DDR2: variants seen among roughly 807,000 people sequenced by gnomAD.
DDR2 encodes the protein discoidin domain-containing receptor 2.
A neutral mutation model predicts 94.9 loss-of-function variants in DDR2; 27 were observed. That is an observed-to-expected ratio of 0.28 (90% CI 0.21 to 0.39). The LOEUF is 0.39. DDR2 is among the 10% of genes least tolerant of loss of function. The pLI, the probability that DDR2 is intolerant of heterozygous loss-of-function variation, is 1.00. For synonymous variants in DDR2, 382 were observed against 377.2 expected, an observed-to-expected ratio of 1.01 and a Z score of -0.15; for missense variants, 783 against 1,076.0, an observed-to-expected ratio of 0.73 and a Z score of 3.81.
intron 3 of DDR2, among the ~76,000 whole-genome samples, chr1:162,736,720 G>T (rs558233155): frequency 2.6e-5 from 4 of 152,210 alleles, no homozygotes; most frequent in Non-Finnish European, 5.9e-5. Flanking sequence ...ATTTGCTTGC[G>T]AAGTGCATCC....
intron 3 of DDR2, among the ~76,000 whole-genome samples, chr1:162,732,433 A>C (rs1571259239): frequency 1.3e-5 from 2 of 152,186 alleles, no homozygotes; most frequent in Non-Finnish European, 1.5e-5. Flanking sequence ...CTAGGGTTGG[A>C]GGAGGAAGAA....
chr1:162,763,326 C>T (rs1373922711), intron 9 of DDR2, among the ~76,000 whole-genome samples: 1 of 132,784 alleles, frequency 7.5e-6, no homozygotes, highest in Non-Finnish European at 1.6e-5. Context: ...GTGCCTGCTA[C>T]CACGCCCGGC....
At chr1:162,679,837 T>C (rs1659318232) in intron 2 of DDR2, among the ~76,000 whole-genome samples, 1 of 152,212 alleles carries the variant, frequency 6.6e-6, no homozygotes, top group Admixed American at 6.5e-5. Context: ...CTGATGAGTA[T>C]GAGATGGTAT....
intron 12 of DDR2, 24 bp downstream of exon 12, chr1:162,770,536 G>A (rs1156465176): frequency 4.3e-6 from 7 of 1,610,726 alleles, no homozygotes; most frequent in Middle Eastern, 1.7e-4. Flanking sequence ...GGTGGGCAGG[G>A]TGTCAAGGGA....
intron 2 of DDR2, among the ~76,000 whole-genome samples, chr1:162,687,768 C>G (rs566733437): frequency 1.3e-5 from 2 of 152,174 alleles, no homozygotes; most frequent in Non-Finnish European, 2.9e-5. Flanking sequence ...TTTCAAGACA[C>G]TGACATCATC....
At chr1:162,646,817 A>G (rs577290141) in intron 1 of DDR2, among the ~76,000 whole-genome samples, 1 of 152,184 alleles carries the variant, frequency 6.6e-6, no homozygotes, top group Non-Finnish European at 1.5e-5. Flanking sequence ...TGTCTGTGCA[A>G]ATGTCCAGGG....
At position 162,780,185 on chromosome 1, in the gene DDR2, C is replaced by T. The variant is rs147604927; in HGVS notation, c.2507C>T (p.Thr836Met). The T allele has an allele frequency of 1.4e-5, 23 of 1,613,848 alleles. No homozygotes were observed. The highest frequency in any genetic ancestry group is 5.5e-5 in the South Asian group (5 of 91,086). Reference protein sequence around the residue: ...KLMLSCWRRDTKNRPSFQEIH... With the variant: ...KLMLSCWRRDMKNRPSFQEIH... Reference sequence around the variant, plus strand: ...ATGCTCAGCTGCTGGAGAAGAGATACGAAGAACCGTCCCTCATTCCAAGAA... The same window carrying T: ...ATGCTCAGCTGCTGGAGAAGAGATATGAAGAACCGTCCCTCATTCCAAGAA... Residue 836 changes from threonine (T) to methionine (M), a missense_variant, in exon 18 of 18, where the codon ACG (threonine) becomes ATG (methionine). By Grantham distance (81) the Thr-to-Met change is moderately conservative. This residue lies in a region of DDR2 where 264 missense variants were observed against 428.2 expected (regional missense o/e 0.62). Transcript: ENST00000367921.
intron 2 of DDR2, among the ~76,000 whole-genome samples, chr1:162,702,066 T>C (rs1443328886): frequency 2.6e-5 from 4 of 152,204 alleles, no homozygotes; most frequent in African/African-American, 7.2e-5. Flanking sequence ...AAGCCCAATT[T>C]ACCTTCTCTG....
intron 3 of DDR2, among the ~76,000 whole-genome samples, chr1:162,750,244 C>A (rs2102117975): frequency 6.6e-6 from 1 of 152,252 alleles, no homozygotes; most frequent in South Asian, 2.1e-4. Flanking sequence ...TTAGAAAACC[C>A]CATCATCTCA....
At chr1:162,729,298 ATATTTTTTTT>A (rs1354622533) in intron 3 of DDR2, among the ~76,000 whole-genome samples, 4 of 34,448 alleles carry the variant, frequency 1.2e-4, no homozygotes, top group African/African-American at 2.1e-4. Flanking sequence ...ATATATATAT[ATATTTTTTTT>A]TTTTTTTTTT....
chr1:162,747,842 T>A (rs1015547991), intron 3 of DDR2, among the ~76,000 whole-genome samples: 4 of 152,290 alleles, frequency 2.6e-5, no homozygotes, highest in African/African-American at 9.6e-5. Flanking sequence ...TAAAGGCCAA[T>A]ATTCAACGTT....
chr1:162,779,827 G>A (rs1647797000), intron 17 of DDR2, among the ~76,000 whole-genome samples: 2 of 152,106 alleles, frequency 1.3e-5, no homozygotes, highest in South Asian at 4.1e-4. Flanking sequence ...TCTCTTTTTG[G>A]TTGTTTCATC....
intron 3 of DDR2, among the ~76,000 whole-genome samples, chr1:162,727,182 A>C (rs921965716): frequency 2.1e-5 from 3 of 144,276 alleles, no homozygotes; most frequent in African/African-American, 7.5e-5. Flanking sequence ...ATATTTTGTA[A>C]ATATAAACAT....
At chr1:162,707,403 C>T (rs922329239) in intron 2 of DDR2, among the ~76,000 whole-genome samples, 15 of 152,318 alleles carry the variant, frequency 9.8e-5, no homozygotes, top group African/African-American at 3.6e-4. Flanking sequence ...TGAAGGTCTT[C>T]CTGAGCCTTT....
chr1:162,659,983 C>T (rs753467545), intron 2 of DDR2, among the ~76,000 whole-genome samples: 10 of 120,938 alleles, frequency 8.3e-5, no homozygotes, highest in African/African-American at 1.2e-4. Context: ...ATTTTAGCCC[C>T]AAATTGTGGG....
At chr1:162,667,063 A>T (rs1423297237) in intron 2 of DDR2, among the ~76,000 whole-genome samples, 3 of 150,702 alleles carry the variant, frequency 2.0e-5, no homozygotes, top group South Asian at 2.1e-4. Flanking sequence ...TCTATCTATC[A>T]ATCATCTATC....
chr1:162,761,360 G>A lies in DDR2; in HGVS notation c.1005G>A (p.Thr335=), dbSNP rs201957075. 8.7e-6 allele frequency: 14 copies of A among 1,613,976 alleles called. No homozygotes were observed. Among genetic ancestry groups the A allele is most frequent in the South Asian group, 6.6e-5 (6 of 91,074 alleles). The part of the protein sequence containing the change: ...DDVNPSARFV[T]VPLHHRMASA... ...TCAACCCCAGTGCTCGGTTTGTCAC[G>A]GTGCCTCTCCACCACCGAATGGCCA... Residue 335 remains threonine (T), a synonymous_variant, in exon 9 of 18, where the codon ACG becomes ACA. Transcript: ENST00000367921.
At position 162,728,326 on chromosome 1, in the gene DDR2, G is replaced by A. The variant is rs531536404; in HGVS notation, c.82+9181G>A. ...AAATCTCCAATGTCATGCTAGTTGA[G>A]ATACTGAAGGTATGAGAGTTAGCTG... is the stretch of plus-strand genomic sequence containing the variant. On this transcript the variant is annotated intron_variant, in intron 3 of 17. Transcript: ENST00000367921. Among the ~76,000 whole-genome samples, 8 of 151,628 alleles carry A rather than the reference G, an allele frequency of 5.3e-5. No homozygotes were observed. The South Asian group carries it at 1.7e-3, about 32-fold the overall frequency.
chr1:162,698,658 T>C (rs138928619), intron 2 of DDR2, among the ~76,000 whole-genome samples: 1 of 152,268 alleles, frequency 6.6e-6, no homozygotes, highest in South Asian at 2.1e-4. Flanking sequence ...TGGGCATGGC[T>C]CAAGCATCCT....
Sources: allele counts gnomAD v4.1 joint callset (sites outside exome capture counted in the v4.1 genomes callset), GRCh38; gene constraint gnomAD v4.1.1; regional missense constraint gnomAD v4.1.1; transcripts MANE v1.5; gene names NCBI Gene and HGNC (gene_info 2026-07-23, HGNC 2026-07-21).